Variants in SLC26A7 observed in about 807,000 individuals in gnomAD.
The protein encoded by SLC26A7 is solute carrier family 26 member 7, also known as anion exchange transporter.
SLC26A7 carries 59 observed loss-of-function variants against 82.5 expected under a neutral mutation model. The observed-to-expected ratio is 0.72, with a 90% CI of 0.58 to 0.89. The LOEUF (loss-of-function observed/expected upper bound fraction) is 0.89. Among genes scored for constraint, SLC26A7 ranks in the 40% least tolerant of loss-of-function variants. SLC26A7 has a pLI of 0.00. For missense variants in SLC26A7, 820 were observed against 793.0 expected (o/e 1.03, Z -0.41); for synonymous variants, 271 against 274.3 (o/e 0.99, Z 0.12).
At chr8:91,340,698 A>G in intron 8 of SLC26A7, 147 bp downstream of exon 8, 1 of 934,108 alleles carries the variant, frequency 1.1e-6, no homozygotes, top group Non-Finnish European at 1.6e-6. Context: ...AAAAATATCA[A>G]AATCATTCAT....
rs1221114832 is a variant in SLC26A7, at chr8:91,313,151, TTAA to T, written c.478-5063_478-5061del. ...TATTTAGATCTTTGAACCATTTTGA[TTAA>T]TTTTTGTATATGGTGTTAGGTAAGG... On this transcript the variant is annotated intron_variant, in intron 4 of 18. Coordinates refer to ENST00000276609, the MANE Select transcript of SLC26A7 (RefSeq NM_052832.4). Among the ~76,000 whole-genome samples the T allele has an allele frequency of 4.6e-5, 7 of 152,330 alleles. No individual in the cohort carries two copies. In the South Asian group the frequency reaches 6.2e-4, roughly 14 times the overall value.
chr8:91,252,790 T>C (rs1000165082), intron 2 of SLC26A7, among the ~76,000 whole-genome samples: 1 of 152,178 alleles, frequency 6.6e-6, no homozygotes, highest in Non-Finnish European at 1.5e-5. Flanking sequence ...CCTGTGATTA[T>C]ATTTTGGCCA....
chr8:91,390,242 G>C (rs768843413), intron 16 of SLC26A7, among the ~76,000 whole-genome samples: 1 of 151,130 alleles, frequency 6.6e-6, no homozygotes, highest in Non-Finnish European at 1.5e-5. Flanking sequence ...TCAGCCTCCC[G>C]AGTAGCTGGG....
intron 8 of SLC26A7, chr8:91,343,016 C>G (rs1813461691): frequency 5.5e-6 from 1 of 182,886 alleles, no homozygotes; most frequent in African/African-American, 2.4e-5. Context: ...ATTGGTTTAG[C>G]ATTGTGAAGG....
intron 2 of SLC26A7, among the ~76,000 whole-genome samples, chr8:91,279,125 GTATATATATATATA>G (rs55869816): frequency 0.021 from 2,342 of 111,298 alleles, 40 homozygotes; most frequent in Non-Finnish European, 0.028. Flanking sequence ...GTGTGTGTGT[GTATATATATATATA>G]TATATATATA....
At chr8:91,310,146 T>C (rs1164237021) in intron 4 of SLC26A7, among the ~76,000 whole-genome samples, 1 of 152,128 alleles carries the variant, frequency 6.6e-6, no homozygotes, top group Admixed American at 6.5e-5. Context: ...TGACCATCAC[T>C]TGATGGTCGC....
chr8:91,281,189 T>G (rs913680585), intron 2 of SLC26A7, among the ~76,000 whole-genome samples: 12 of 152,206 alleles, frequency 7.9e-5, no homozygotes, highest in Non-Finnish European at 2.9e-5. Flanking sequence ...TTCAAAGATA[T>G]ATAAAAAAAC....
At chr8:91,359,266 G>A (rs1203697882) in intron 11 of SLC26A7, among the ~76,000 whole-genome samples, 1 of 152,108 alleles carries the variant, frequency 6.6e-6, no homozygotes, top group Non-Finnish European at 1.5e-5. Flanking sequence ...ACAATTTATA[G>A]AACTTGTGAA....
intron 2 of SLC26A7, among the ~76,000 whole-genome samples, chr8:91,258,564 T>C (rs557127651): frequency 1.2e-4 from 18 of 152,104 alleles, no homozygotes; most frequent in Non-Finnish European, 2.1e-4. Flanking sequence ...TCCCTGACAG[T>C]ACTAGATACA....
At chr8:91,347,289 A>T (rs1813588215) in intron 9 of SLC26A7, among the ~76,000 whole-genome samples, 1 of 152,204 alleles carries the variant, frequency 6.6e-6, no homozygotes, top group South Asian at 2.1e-4. Context: ...CAGGCTTAGG[A>T]TCATGCACTT....
At chr8:91,317,683 T>A (rs1384123668) in intron 4 of SLC26A7, among the ~76,000 whole-genome samples, 1 of 152,174 alleles carries the variant, frequency 6.6e-6, no homozygotes, top group Non-Finnish European at 1.5e-5. Context: ...TTTGAGGTTT[T>A]ATGCCTACTG....
chr8:91,380,338 C>G (rs755172875), intron 15 of SLC26A7, among the ~76,000 whole-genome samples: 1 of 151,946 alleles, frequency 6.6e-6, no homozygotes, highest in Non-Finnish European at 1.5e-5. Context: ...ACTCTAAACA[C>G]GAAATTAATT....
chr8:91,306,118 A>C (rs952218023), intron 4 of SLC26A7, among the ~76,000 whole-genome samples: 2 of 152,158 alleles, frequency 1.3e-5, no homozygotes, highest in African/African-American at 4.8e-5. Flanking sequence ...TGTTACTTCC[A>C]GACTTGCTGT....
At chr8:91,353,870 T>C (rs1246042122) in intron 11 of SLC26A7, among the ~76,000 whole-genome samples, 2 of 152,044 alleles carry the variant, frequency 1.3e-5, no homozygotes, top group African/African-American at 2.4e-5. Context: ...CCAGTCTCTC[T>C]AGACAGTTAT....
chr8:91,337,502 A>G (rs1339254648), intron 6 of SLC26A7, among the ~76,000 whole-genome samples: 1 of 152,152 alleles, frequency 6.6e-6, no homozygotes, highest in Admixed American at 6.6e-5. Context: ...GTTAAAGATG[A>G]TTATGGGTAT....
chr8:91,244,263 A>C (rs1467755387), intron 2 of SLC26A7, among the ~76,000 whole-genome samples: 1 of 151,954 alleles, frequency 6.6e-6, no homozygotes, highest in African/African-American at 2.4e-5. Context: ...ATTAATCCTC[A>C]ATTAATTATT....
intron 16 of SLC26A7, among the ~76,000 whole-genome samples, chr8:91,393,102 A>T (rs1363195887): frequency 2.0e-5 from 3 of 152,200 alleles, no homozygotes; most frequent in East Asian, 1.9e-4. Context: ...CAGATACATC[A>T]CTGTTATATA....
intron 3 of SLC26A7, among the ~76,000 whole-genome samples, chr8:91,294,400 A>G (rs975488682): frequency 2.6e-5 from 4 of 152,140 alleles, no homozygotes; most frequent in African/African-American, 9.6e-5. Flanking sequence ...AATCCATAGC[A>G]TGTACTGCCT....
Position 91,395,258 on chromosome 8 carries a change from C to A in SLC26A7, c.*161C>A. The A allele has an allele frequency of 1.4e-6, 2 of 1,390,762 alleles. No homozygotes were observed. Among genetic ancestry groups the A allele is most frequent in the Non-Finnish European group, 1.9e-6 (2 of 1,070,586 alleles). 86.2% of individuals were successfully genotyped at this position (1,390,762 alleles called of 1,614,324 possible). A position where few individuals can be genotyped will look rare whatever the true frequency, so the allele number is the denominator to read the frequency against. ...ACTGCATAGCAGTTGGAAAGAACTG[C>A]CAACTTTTTTTTCTCATTTTTGTTA... On this transcript the variant is annotated 3_prime_UTR_variant, in exon 19 of 19. Transcript: ENST00000276609.
Sources: allele counts gnomAD v4.1 joint callset (sites outside exome capture counted in the v4.1 genomes callset), GRCh38; gene constraint gnomAD v4.1.1; transcripts MANE v1.5; gene names NCBI Gene and HGNC (gene_info 2026-07-23, HGNC 2026-07-21).